The following CYP27A1 variants were observed in gnomAD, a reference collection of about 807,000 sequenced individuals.
The protein encoded by CYP27A1 is cytochrome P450 family 27 subfamily A member 1.
A neutral mutation model predicts 58.2 loss-of-function variants in CYP27A1; 46 were observed. That is an observed-to-expected ratio of 0.79 (90% CI 0.62 to 1.01). The LOEUF (loss-of-function observed/expected upper bound fraction) is 1.01. Ranked by LOEUF, CYP27A1 falls within the 50% of genes least tolerant of loss-of-function variation. The probability of loss-of-function intolerance (pLI) is 0.00; values close to 1 mark genes in which losing one functional copy is unlikely to be tolerated. For missense variants in CYP27A1, 704 were observed against 687.0 expected (o/e 1.02, Z -0.28); for synonymous variants, 274 against 285.1 (o/e 0.96, Z 0.39).
intron 1 of CYP27A1, among the ~76,000 whole-genome samples, chr2:218,806,856 C>A (rs966354538): frequency 8.6e-5 from 13 of 151,540 alleles, no homozygotes; most frequent in African/African-American, 3.2e-4. Flanking sequence ...GTGTCTGGTT[C>A]ATGGTCAGCT....
At chr2:218,803,722 CT>C (rs71040407) in intron 1 of CYP27A1, among the ~76,000 whole-genome samples, 1,635 of 57,758 alleles carry the variant, frequency 0.028, 78 homozygotes, top group African/African-American at 0.11. Flanking sequence ...GTGCCCCCGT[CT>C]TTTTTTTTTT....
intron 1 of CYP27A1, among the ~76,000 whole-genome samples, chr2:218,784,293 T>G (rs1440642637): frequency 6.6e-6 from 1 of 152,236 alleles, no homozygotes; most frequent in Non-Finnish European, 1.5e-5. Context: ...TTAAAATATT[T>G]TGAGCCTTAA....
intron 1 of CYP27A1, among the ~76,000 whole-genome samples, chr2:218,800,167 T>A (rs1223125782): frequency 8.5e-5 from 13 of 152,086 alleles, no homozygotes; most frequent in Admixed American, 8.5e-4. Flanking sequence ...TGAGAGGTGA[T>A]GAGAAGCTGT....
rs1236837144 is a variant in CYP27A1, at chr2:218,782,970, T to A, written c.255+533T>A. On this transcript the variant is annotated intron_variant, in intron 1 of 8. Coordinates refer to ENST00000258415, the MANE Select transcript of CYP27A1 (RefSeq NM_000784.4). The surrounding 1 kb of genome is among the most constrained non-coding windows in gnomAD (Gnocchi z 4.1). ...GTACTTTTTGTTATTAAGAAATCAG[T>A]CTGAGGCCGGGTGCAGTGGCTCACA... 6.6e-6 allele frequency among the ~76,000 whole-genome samples: 1 copy of A among 152,018 alleles called. No homozygotes were observed. Among genetic ancestry groups the A allele is most frequent in the South Asian group, 2.1e-4 (1 of 4,822 alleles).
chr2:218,815,166 A>C lies in CYP27A1; in HGVS notation c.*136A>C, dbSNP rs1943777879. 1 of 1,032,144 alleles carries C rather than the reference A, an allele frequency of 9.7e-7. No homozygotes were observed. The highest frequency in any genetic ancestry group is 1.5e-6 in the Non-Finnish European group (1 of 684,452). The allele number at this position is 1,032,144 out of a possible 1,614,324, so 63.9% of individuals were successfully genotyped here. On this transcript the variant is annotated 3_prime_UTR_variant, in exon 9 of 9. Transcript: ENST00000258415. Reference sequence around the variant, plus strand: ...TCGAGAGGTGGGAGGAACTCCTTGCACACACCCTGAGCTTTTGCCACTTCT... The same window carrying C: ...TCGAGAGGTGGGAGGAACTCCTTGCCCACACCCTGAGCTTTTGCCACTTCT...
At chr2:218,806,416 AG>A (rs1317358338) in intron 1 of CYP27A1, among the ~76,000 whole-genome samples, 2 of 152,216 alleles carry the variant, frequency 1.3e-5, no homozygotes, top group Non-Finnish European at 2.9e-5. Flanking sequence ...CACAACTCAG[AG>A]GGGGTGCGGT....
Position 218,812,206 on chromosome 2 carries a change from C to T in CYP27A1, c.447-16C>T, listed in dbSNP as rs777565928. 6.2e-7 allele frequency: 1 copy of T among 1,610,298 alleles called. No homozygotes were observed. Among genetic ancestry groups the T allele is most frequent in the Non-Finnish European group, 8.5e-7 (1 of 1,176,986 alleles). On this transcript the variant is annotated splice_polypyrimidine_tract_variant and intron_variant, in intron 2 of 8. Coordinates refer to ENST00000258415, the MANE Select transcript of CYP27A1 (RefSeq NM_000784.4). Reference sequence around the variant, plus strand: ...ATAGAGGCTTATCTTTGTGCTGTTCCTCTGCGTCCCTGCAGGGAAGGACAC... The same window carrying T: ...ATAGAGGCTTATCTTTGTGCTGTTCTTCTGCGTCCCTGCAGGGAAGGACAC...
Position 218,809,648 on chromosome 2 carries a change from C to T in CYP27A1, c.327C>T (p.Ala109=). 6.2e-7 allele frequency: 1 copy of T among 1,614,138 alleles called. No homozygotes were observed. The highest frequency in any genetic ancestry group is 8.5e-7 in the Non-Finnish European group (1 of 1,180,014). ...GGCCTCAGATGCACGTGAACCTGGCCAGTGCCCCGCTCTTGGAGCAAGTGA... is the reference window on the plus strand; with the variant it reads ...GGCCTCAGATGCACGTGAACCTGGCTAGTGCCCCGCTCTTGGAGCAAGTGA... ...YLGPQMHVNL[A]SAPLLEQVMR... Residue 109 remains alanine, a synonymous_variant, in exon 2 of 9, where the codon GCC becomes GCT. Coordinates refer to ENST00000258415, the MANE Select transcript of CYP27A1 (RefSeq NM_000784.4).
In CYP27A1 at chr2:218,814,090, G is replaced by A. The variant is rs72551321; in HGVS notation, c.1087G>A (p.Glu363Lys). 3.1e-6 allele frequency: 5 copies of A among 1,614,244 alleles called. No homozygotes were observed. Among genetic ancestry groups the A allele is most frequent in the South Asian group, 1.1e-5 (1 of 91,086 alleles). Residue 363 changes from glutamate to lysine, a missense_variant, in exon 6 of 9, where the codon GAG (glutamate) becomes AAG (lysine). Coordinates refer to ENST00000258415, the MANE Select transcript of CYP27A1 (RefSeq NM_000784.4). ...CCCTGAGATCCAGGAGGCCTTGCAC[G>A]AGGAAGTGGTGGGTGTGGTGCCAGC... Reference protein sequence around the residue: ...KDPEIQEALHEEVVGVVPAGQ... With the variant: ...KDPEIQEALHKEVVGVVPAGQ...
In CYP27A1 at chr2:218,814,991, T is replaced by C. The variant is rs1375435703; in HGVS notation, c.1557T>C (p.Asn519=). The change falls in exon 9 of 9, where the codon AAT becomes AAC. Residue 519 remains asparagine (N), a synonymous_variant. Transcript: ENST00000258415. ...TGGCCCGCATTGTCCTGGTTCCCAA[T>C]AAGAAAGTGGGCCTGCAGTTCCTGC... is the stretch of plus-strand genomic sequence containing the variant. ...KSVARIVLVP[N]KKVGLQFLQR... 5 of 1,614,180 alleles carry C rather than the reference T, an allele frequency of 3.1e-6. No homozygotes were observed. In the South Asian group the frequency reaches 5.5e-5, roughly 18 times the overall value.
chr2:218,782,451 G>A lies in CYP27A1; in HGVS notation c.255+14G>A, dbSNP rs767761739. The A allele has an allele frequency of 2.0e-5, 33 of 1,614,006 alleles. 1 individual carries two copies. The South Asian group carries it at 3.3e-4, about 16-fold the overall frequency. ...CACCAGTTACAGGTAACCCGCGGGG[G>A]CATCGCGTCCTGGGGATGGGAGTGG... On this transcript the variant is annotated intron_variant, in intron 1 of 8. Coordinates refer to ENST00000258415, the MANE Select transcript of CYP27A1 (RefSeq NM_000784.4). This position sits in a 1 kb window ranked among gnomAD's most constrained non-coding sequence, Gnocchi z 4.1.
intron 1 of CYP27A1, among the ~76,000 whole-genome samples, chr2:218,786,094 C>G (rs1411101447): frequency 1.3e-5 from 2 of 152,154 alleles, no homozygotes; most frequent in African/African-American, 4.8e-5. Flanking sequence ...TGAGACCAGA[C>G]TGAGAAACAT....
intron 1 of CYP27A1, among the ~76,000 whole-genome samples, chr2:218,795,737 A>G (rs1002792323): frequency 1.3e-5 from 2 of 152,236 alleles, no homozygotes; most frequent in Admixed American, 6.5e-5. Context: ...TTACAAATGT[A>G]TAAGTTTTGA....
chr2:218,787,650 G>A (rs7568196), intron 1 of CYP27A1, among the ~76,000 whole-genome samples: 51,228 of 151,902 alleles, frequency 0.34, 9,281 homozygotes, highest in Non-Finnish European at 0.4. Flanking sequence ...CATGGGAGTG[G>A]TTACTGATAA....
At chr2:218,789,684 T>C (rs146454051) in intron 1 of CYP27A1, among the ~76,000 whole-genome samples, 197 of 152,352 alleles carry the variant, frequency 1.3e-3, no homozygotes, top group African/African-American at 4.5e-3. Context: ...AGGAGGCAGC[T>C]TTAGGCTAAA....
Position 218,803,345 on chromosome 2 carries a change from CAGAT to C in CYP27A1, c.256-6230_256-6227del, listed in dbSNP as rs543919878. On this transcript the variant is annotated intron_variant, in intron 1 of 8. Coordinates refer to ENST00000258415, the MANE Select transcript of CYP27A1 (RefSeq NM_000784.4). ...TATACTCTGGATATTAAACCCTTATCAGATATATGATTTACAAATATTTTCTCTC... is the reference window on the plus strand; with the variant it reads ...TATACTCTGGATATTAAACCCTTATCATATGATTTACAAATATTTTCTCTC... Among the ~76,000 whole-genome samples, 3 of 152,304 alleles carry C rather than the reference CAGAT, an allele frequency of 2.0e-5. No individual in the cohort carries two copies. In the East Asian group the frequency reaches 5.8e-4, roughly 29 times the overall value.
At position 218,782,169 on chromosome 2, in the gene CYP27A1, C is replaced by A. The variant is rs1271713308; in HGVS notation, c.-14C>A. On this transcript the variant is annotated 5_prime_UTR_variant, in exon 1 of 9. Transcript: ENST00000258415. The surrounding 1 kb of genome is among the most constrained non-coding windows in gnomAD (Gnocchi z 4.1). ...AGCACTCGACCCAAAGGTGCAGGCG[C>A]GCGAGCACAACCCATGGCTGCGCTG... The A allele has an allele frequency of 6.5e-7, 1 of 1,534,552 alleles. No individual in the cohort carries two copies.
At chr2:218,806,430 T>G (rs922369650) in intron 1 of CYP27A1, among the ~76,000 whole-genome samples, 1 of 152,208 alleles carries the variant, frequency 6.6e-6, no homozygotes, top group African/African-American at 2.4e-5. Flanking sequence ...GGTGCGGTAC[T>G]TGTGGGGAGA....
At chr2:218,785,041 T>C (rs1943428625) in intron 1 of CYP27A1, among the ~76,000 whole-genome samples, 1 of 152,206 alleles carries the variant, frequency 6.6e-6, no homozygotes, top group African/African-American at 2.4e-5. Context: ...TTGTAATATA[T>C]AATGAAATAA....
Sources: allele counts gnomAD v4.1 joint callset (sites outside exome capture counted in the v4.1 genomes callset), GRCh38; gene constraint gnomAD v4.1.1; non-coding constraint Gnocchi (gnomAD v3.1); transcripts MANE v1.5; gene names NCBI Gene and HGNC (gene_info 2026-07-23, HGNC 2026-07-21).